BAALC: variants seen among roughly 807,000 people sequenced by gnomAD.
The protein encoded by BAALC is BAALC binder of MAP3K1 and KLF4.
In BAALC, 9 loss-of-function variants were observed where a neutral mutation model predicts 15.5. The ratio of observed to expected loss-of-function variants is 0.58; its 90% CI spans 0.35 to 1.02. BAALC has a LOEUF of 1.02. Among genes scored for constraint, BAALC ranks in the 50% least tolerant of loss-of-function variants. The pLI is 0.02. For synonymous variants in BAALC, 80 were observed against 74.6 expected (o/e 1.07, Z -0.37); for missense variants, 201 against 192.4 (o/e 1.04, Z -0.27).
intron 1 of BAALC, chr8:103,198,097 A>C (rs1326523594): frequency 1.4e-6 from 1 of 701,462 alleles, no homozygotes; most frequent in Non-Finnish European, 2.6e-6. Context: ...ATGTACTGTT[A>C]GGGTGCCTTG....
rs1373508533 is a variant in BAALC at position 103,230,246 on chromosome 8, A to C, written c.*2147A>C. The C allele has an allele frequency of 6.6e-6, 1 of 152,210 alleles. No homozygotes were observed. The highest frequency in any genetic ancestry group is 2.1e-4 in the South Asian group (1 of 4,830). The allele number at this position is 152,210 out of a possible 1,614,324, so 9.4% of individuals were successfully genotyped here. ...GACAGAAACTAATCCTTACTATCCTATTAGGATACCACTTTTCATTGCAAA... is the reference window on the plus strand; with the variant it reads ...GACAGAAACTAATCCTTACTATCCTCTTAGGATACCACTTTTCATTGCAAA... On this transcript the variant is annotated 3_prime_UTR_variant, in exon 3 of 3. Transcript: ENST00000309982.
At chr8:103,167,984 T>C (rs1811386694) in intron 1 of BAALC, among the ~76,000 whole-genome samples, 1 of 152,242 alleles carries the variant, frequency 6.6e-6, no homozygotes, top group Non-Finnish European at 1.5e-5. Flanking sequence ...GTTTTATTTT[T>C]TCATAGTTCC....
rs565052034 is a variant in BAALC at position 103,226,758 on chromosome 8, G to C, written c.328-1231G>C. On this transcript the variant is annotated intron_variant, in intron 2 of 2. Transcript: ENST00000309982. ...GTAGATAGTCTATCCTACTTTTTAA[G>C]CTTATTTTTTTCCCATTTTCATTTA... Among the ~76,000 whole-genome samples, 261 of 152,184 alleles carry C rather than the reference G, an allele frequency of 1.7e-3. 2 individuals are homozygous for C. Among genetic ancestry groups the C allele is most frequent in the Non-Finnish European group, 2.8e-3 (191 of 67,980 alleles).
intron 1 of BAALC, among the ~76,000 whole-genome samples, chr8:103,157,279 A>G (rs1230263322): frequency 6.6e-6 from 1 of 152,166 alleles, no homozygotes; most frequent in East Asian, 1.9e-4. Flanking sequence ...TCAAACATAT[A>G]TGAAAATTTG....
intron 1 of BAALC, among the ~76,000 whole-genome samples, chr8:103,197,200 A>G (rs964226525): frequency 1.9e-4 from 29 of 152,230 alleles, no homozygotes; most frequent in African/African-American, 6.5e-4. Flanking sequence ...TTTTGTTTTA[A>G]TAATGTAAGT....
At chr8:103,148,209 A>G (rs538701253) in intron 1 of BAALC, among the ~76,000 whole-genome samples, 2 of 152,184 alleles carry the variant, frequency 1.3e-5, no homozygotes, top group Non-Finnish European at 2.9e-5. Context: ...TTGGAGATAG[A>G]GAGACACACA....
At chr8:103,192,648 A>G (rs34337822) in intron 1 of BAALC, among the ~76,000 whole-genome samples, 16,648 of 152,230 alleles carry the variant, frequency 0.11, 1,255 homozygotes, top group East Asian at 0.3. Context: ...CCAGCTGGGA[A>G]GATAATACAT....
In BAALC at chr8:103,148,511, T is replaced by C. The variant is rs191708327; in HGVS notation, c.160+7454T>C. On this transcript the variant is annotated intron_variant, in intron 1 of 2. Coordinates refer to ENST00000309982, the MANE Select transcript of BAALC (RefSeq NM_024812.3). ...TGGGGTATCCATCACCTCAAGCATT[T>C]ATCTTTTGAGTTGCAAACAATCTAG... 3.1e-3 allele frequency among the ~76,000 whole-genome samples: 477 copies of C among 152,362 alleles called. 1 individual carries two copies. The highest frequency in any genetic ancestry group is 0.011 in the African/African-American group (451 of 41,586).
At chr8:103,161,875 C>T (rs1218823996) in intron 1 of BAALC, among the ~76,000 whole-genome samples, 1 of 152,108 alleles carries the variant, frequency 6.6e-6, no homozygotes, top group Non-Finnish European at 1.5e-5. Flanking sequence ...AATGAAGTTG[C>T]CATCTTTTTA....
At position 103,194,377 on chromosome 8, in the gene BAALC, C is replaced by T. The variant is rs567902804; in HGVS notation, c.161-18542C>T. Among the ~76,000 whole-genome samples the T allele has an allele frequency of 4.0e-5, 6 of 150,084 alleles. No individual in the cohort carries two copies. The East Asian group carries it at 9.8e-4, about 25-fold the overall frequency. ...TACACACAATATAATGTAGTCTTTT[C>T]TTTAATTTAATTCCTGTCACAAAAT... On this transcript the variant is annotated intron_variant, in intron 1 of 2. Coordinates refer to ENST00000309982, the MANE Select transcript of BAALC (RefSeq NM_024812.3).
intron 1 of BAALC, among the ~76,000 whole-genome samples, chr8:103,154,920 C>CTATATATA (rs56402841): frequency 2.8e-4 from 37 of 129,980 alleles, no homozygotes; most frequent in African/African-American, 8.0e-4. Flanking sequence ...CTATCTCAAG[C>CTATATATA]TATATATATA....
chr8:103,212,281 C>CA (rs1330259688), intron 1 of BAALC, among the ~76,000 whole-genome samples: 1 of 151,898 alleles, frequency 6.6e-6, no homozygotes, highest in Admixed American at 6.6e-5. Flanking sequence ...CCTGTCTCTA[C>CA]AAAAAAATAT....
chr8:103,145,728 G>A (rs1489343476), intron 1 of BAALC, among the ~76,000 whole-genome samples: 2 of 152,214 alleles, frequency 1.3e-5, no homozygotes, highest in Non-Finnish European at 2.9e-5. Flanking sequence ...CAAGGACATT[G>A]TATTTTCTCT....
At chr8:103,187,199 A>T (rs1354847077) in intron 1 of BAALC, among the ~76,000 whole-genome samples, 1 of 152,124 alleles carries the variant, frequency 6.6e-6, no homozygotes, top group Non-Finnish European at 1.5e-5. Context: ...GTGGCTGGGC[A>T]TGATTGCCAC....
intron 1 of BAALC, among the ~76,000 whole-genome samples, chr8:103,163,563 CT>C (rs1811276894): frequency 6.6e-6 from 1 of 152,100 alleles, no homozygotes; most frequent in African/African-American, 2.4e-5. Context: ...TGTCTTATTC[CT>C]ATCTTTCTCT....
In BAALC at chr8:103,140,790, G is replaced by T. The variant is rs1810748477; in HGVS notation, c.-108G>T. On this transcript the variant is annotated 5_prime_UTR_variant, in exon 1 of 3. Coordinates refer to ENST00000309982, the MANE Select transcript of BAALC (RefSeq NM_024812.3). The surrounding 1 kb of genome is among the most constrained non-coding windows in gnomAD (Gnocchi z 4.2). ...GCAGCGCGGGCGGGAGCGGGGACGC[G>T]ATGTCGCCGCCGCCGCCTCCTTGCG... 8.5e-6 allele frequency: 9 copies of T among 1,058,722 alleles called. No individual in the cohort carries two copies. The highest frequency in any genetic ancestry group is 1.1e-5 in the Non-Finnish European group (9 of 835,896). 65.6% of individuals were successfully genotyped at this position (1,058,722 alleles called of 1,614,324 possible).
chr8:103,210,832 T>C (rs1269392642), intron 1 of BAALC, among the ~76,000 whole-genome samples: 2 of 152,248 alleles, frequency 1.3e-5, no homozygotes, highest in Non-Finnish European at 2.9e-5. Flanking sequence ...TAGGGAATAT[T>C]GCTGTCTTAT....
At chr8:103,174,162 C>T (rs775813261) in intron 1 of BAALC, among the ~76,000 whole-genome samples, 5 of 151,922 alleles carry the variant, frequency 3.3e-5, no homozygotes, top group African/African-American at 4.8e-5. Flanking sequence ...GATCCTGAAT[C>T]CATTCTGCCG....
At chr8:103,156,620 A>G (rs1845431) in intron 1 of BAALC, among the ~76,000 whole-genome samples, 13,165 of 152,238 alleles carry the variant, frequency 0.086, 757 homozygotes, top group Middle Eastern at 0.13. Context: ...GAGACGGTGG[A>G]ATGTTCTTCT....
Sources: gnomAD v4.1 joint callset for allele counts (sites outside exome capture counted in the v4.1 genomes callset) on GRCh38, gnomAD v4.1.1 for gene constraint, Gnocchi (gnomAD v3.1) non-coding constraint, MANE v1.5 for transcripts, NCBI Gene and HGNC (gene_info 2026-07-23, HGNC 2026-07-21) for gene names.